Variants in FSTL4 observed in about 807,000 individuals in gnomAD.
FSTL4 encodes follistatin like 4.
FSTL4 carries 28 observed loss-of-function variants against 78.2 expected under a neutral mutation model. The ratio of observed to expected loss-of-function variants is 0.36; its 90% CI spans 0.27 to 0.49. The LOEUF is 0.49. FSTL4 is among the 20% of genes least tolerant of loss of function. FSTL4 has a pLI of 0.98. For synonymous variants in FSTL4, 422 were observed against 440.5 expected, an observed-to-expected ratio of 0.96 and a Z score of 0.53; for missense variants, 922 against 1,084.9, an observed-to-expected ratio of 0.85 and a Z score of 2.11.
chr5:133,635,087 AC>A, the FSTL4 span, among the ~76,000 whole-genome samples: 1 of 150,420 alleles, frequency 6.6e-6, no homozygotes, highest in Non-Finnish European at 1.5e-5. Context: ...AAAAAAAAAA[AC>A]ATAGACACTA....
At chr5:133,525,590 T>C (rs553539742) in intron 3 of FSTL4, among the ~76,000 whole-genome samples, 25 of 152,380 alleles carry the variant, frequency 1.6e-4, no homozygotes, top group South Asian at 4.1e-4. Flanking sequence ...GAAACCGTCC[T>C]GGCCTTGGCA....
chr5:133,244,507 T>G (rs1390106351), intron 7 of FSTL4: 1 of 152,124 alleles, frequency 6.6e-6, no homozygotes, highest in Non-Finnish European at 1.5e-5. Flanking sequence ...CAGGCTGCAC[T>G]TTGTTAGCTC....
chr5:133,795,962 C>G, the FSTL4 span, among the ~76,000 whole-genome samples: 1 of 152,200 alleles, frequency 6.6e-6, no homozygotes, highest in Non-Finnish European at 1.5e-5. Context: ...GACCCTGGCC[C>G]CTTGCTCAGT....
chr5:133,616,310 A>AATCTGTCTATCT (rs1761196693), upstream of FSTL4, among the ~76,000 whole-genome samples: 1 of 147,162 alleles, frequency 6.8e-6, no homozygotes, highest in Non-Finnish European at 1.5e-5. Flanking sequence ...TGAAAATCTA[A>AATCTGTCTATCT]ATCTATCTAT....
intron 3 of FSTL4, among the ~76,000 whole-genome samples, chr5:133,558,914 G>T (rs1266652810): frequency 6.6e-6 from 1 of 152,180 alleles, no homozygotes; most frequent in Admixed American, 6.5e-5. Flanking sequence ...GGCAGGTCTT[G>T]CTGATTTAGA....
intron 3 of FSTL4, among the ~76,000 whole-genome samples, chr5:133,470,746 A>AAAAATT (rs1757805392): frequency 1.6e-5 from 2 of 126,968 alleles, no homozygotes; most frequent in African/African-American, 6.3e-5. Flanking sequence ...ACTCTGCCTC[A>AAAAATT]AAAATAAAAT....
At chr5:133,724,151 G>A in the FSTL4 span, among the ~76,000 whole-genome samples, 1 of 152,228 alleles carries the variant, frequency 6.6e-6, no homozygotes, top group Non-Finnish European at 1.5e-5. Context: ...CTCCCTCTCT[G>A]GGGGTAACTC....
At chr5:133,734,200 C>T in the FSTL4 span, among the ~76,000 whole-genome samples, 3 of 152,170 alleles carry the variant, frequency 2.0e-5, no homozygotes, top group Admixed American at 2.0e-4. Flanking sequence ...CATCTTAAAA[C>T]CACCATAGCA....
At chr5:133,803,160 G>A in the FSTL4 span, among the ~76,000 whole-genome samples, 2 of 152,208 alleles carry the variant, frequency 1.3e-5, no homozygotes, top group African/African-American at 4.8e-5. Context: ...AAGCACCCCT[G>A]AATGTCTCAC....
chr5:133,438,512 A>G (rs1757084367), intron 3 of FSTL4, among the ~76,000 whole-genome samples: 1 of 152,270 alleles, frequency 6.6e-6, no homozygotes, highest in Non-Finnish European at 1.5e-5. Flanking sequence ...TTAGGGACAC[A>G]TGTACATGTC....
chr5:133,702,561 G>A, the FSTL4 span, among the ~76,000 whole-genome samples: 1 of 152,150 alleles, frequency 6.6e-6, no homozygotes, highest in Non-Finnish European at 1.5e-5. Context: ...GGAATACAGG[G>A]CCCATCCTCC....
the FSTL4 span, among the ~76,000 whole-genome samples, chr5:133,703,417 T>A: frequency 6.6e-6 from 1 of 152,218 alleles, no homozygotes. Flanking sequence ...CTCTGTGGAC[T>A]GTCACTTAGA....
chr5:133,744,162 G>C, the FSTL4 span, among the ~76,000 whole-genome samples: 1 of 152,314 alleles, frequency 6.6e-6, no homozygotes, highest in African/African-American at 2.4e-5. Flanking sequence ...GGAGGGAGGG[G>C]AGTCACCTGC....
intron 4 of FSTL4, among the ~76,000 whole-genome samples, chr5:133,352,311 TACACAC>T (rs1554107444): frequency 3.0e-5 from 3 of 98,826 alleles, no homozygotes; most frequent in African/African-American, 4.5e-5. Context: ...CATATATATA[TACACAC>T]ATATATATAC....
chr5:133,709,758 G>A, the FSTL4 span, among the ~76,000 whole-genome samples: 2 of 152,216 alleles, frequency 1.3e-5, no homozygotes, highest in East Asian at 1.9e-4. Flanking sequence ...GTTTCCAGAC[G>A]TAGCATAAGG....
At chr5:133,827,900 C>T in the FSTL4 span, among the ~76,000 whole-genome samples, 1 of 152,164 alleles carries the variant, frequency 6.6e-6, no homozygotes. Context: ...AGGTCAGCCA[C>T]ACCCTGTGCG....
chr5:133,773,809 A>G, the FSTL4 span, among the ~76,000 whole-genome samples: 2 of 152,330 alleles, frequency 1.3e-5, no homozygotes, highest in East Asian at 3.9e-4. Context: ...TGGTATTGGA[A>G]CTGGCCCCAG....
chr5:133,545,504 G>A (rs904323069), intron 3 of FSTL4, among the ~76,000 whole-genome samples: 5 of 152,198 alleles, frequency 3.3e-5, no homozygotes, highest in Non-Finnish European at 7.3e-5. Flanking sequence ...TCACCCAGAT[G>A]TGGCTGCCTG....
chr5:133,686,696 G>C, the FSTL4 span, among the ~76,000 whole-genome samples: 1 of 152,114 alleles, frequency 6.6e-6, no homozygotes, highest in Non-Finnish European at 1.5e-5. Context: ...TCAGGTCAGG[G>C]GATAAGGGAA....
Sources: allele counts gnomAD v4.1 joint callset (sites outside exome capture counted in the v4.1 genomes callset), GRCh38; gene constraint gnomAD v4.1.1; transcripts MANE v1.5; gene names NCBI Gene and HGNC (gene_info 2026-07-23, HGNC 2026-07-21).